Variants in TSHZ1 observed in about 807,000 individuals in gnomAD.
TSHZ1 encodes teashirt homolog 1.
In TSHZ1, 12 loss-of-function variants were observed where a neutral mutation model predicts 67.1. The observed-to-expected ratio is 0.18, with a 90% CI of 0.11 to 0.29. The LOEUF is 0.29. Among genes scored for constraint, TSHZ1 ranks in the 10% least tolerant of loss-of-function variants. The pLI is 1.00. For synonymous variants in TSHZ1, 632 were observed against 622.4 expected, an observed-to-expected ratio of 1.02 and a Z score of -0.23; for missense variants, 1,305 against 1,413.9, an observed-to-expected ratio of 0.92 and a Z score of 1.23.
chr18:75,287,193 G>T lies in TSHZ1; in HGVS notation c.1786G>T (p.Val596Leu). The change falls in exon 2 of 2, where the codon GTG becomes TTG. Residue 596 changes from valine (V) to leucine (L), a missense_variant. Transcript: ENST00000580243. This position sits in a 1 kb window ranked among gnomAD's most constrained non-coding sequence, Gnocchi z 5.0. ...CACCGTGAAGCCACTGCCGGCGGCC[G>T]TGCAGAGCGTGCAGGTGCAGCCGTC... Reference protein sequence around the residue: ...PGTVKPLPAAVQSVQVQPSYA... With the variant: ...PGTVKPLPAALQSVQVQPSYA... 1 of 1,613,512 alleles carries T rather than the reference G, an allele frequency of 6.2e-7. No individual in the cohort carries two copies. Among genetic ancestry groups the T allele is most frequent in the Non-Finnish European group, 8.5e-7 (1 of 1,179,806 alleles).
chr18:75,241,939 C>G (rs2023161883), intron 1 of TSHZ1, among the ~76,000 whole-genome samples: 1 of 147,392 alleles, frequency 6.8e-6, no homozygotes, highest in Non-Finnish European at 1.5e-5. Context: ...AGGACCCATC[C>G]TGATCTAGTA....
At chr18:75,250,948 G>A (rs1055039543) in intron 1 of TSHZ1, among the ~76,000 whole-genome samples, 7 of 152,174 alleles carry the variant, frequency 4.6e-5, no homozygotes, top group Admixed American at 2.6e-4. Flanking sequence ...TACCAGCCCC[G>A]GGCGTGTTTG....
intron 1 of TSHZ1, among the ~76,000 whole-genome samples, chr18:75,217,488 C>G (rs1481270574): frequency 1.3e-5 from 2 of 151,840 alleles, no homozygotes; most frequent in African/African-American, 4.8e-5. Flanking sequence ...TTTTACTAGG[C>G]AGAAAGGAAA....
rs1239063307 is a variant in TSHZ1 at position 75,211,571 on chromosome 18, G to A, written c.-306G>A. 7.0e-6 allele frequency: 1 copy of A among 143,390 alleles called. No homozygotes were observed. The highest frequency in any genetic ancestry group is 2.1e-4 in the East Asian group (1 of 4,730). The allele number at this position is 143,390 out of a possible 1,614,324, so 8.9% of individuals were successfully genotyped here. The stretch of plus-strand genomic sequence containing the variant: ...CGGGCCGGCCCGCCGAGCGCCCGCT[G>A]CTGCGCCCGCGGCCCGCGCCGGGGA... On this transcript the variant is annotated 5_prime_UTR_variant, in exon 1 of 2. Coordinates refer to ENST00000580243, the MANE Select transcript of TSHZ1 (RefSeq NM_001308210.2).
At position 75,289,710 on chromosome 18, in the gene TSHZ1, T is replaced by C. The variant is rs938971000; in HGVS notation, c.*1069T>C. On this transcript the variant is annotated 3_prime_UTR_variant, in exon 2 of 2. Coordinates refer to ENST00000580243, the MANE Select transcript of TSHZ1 (RefSeq NM_001308210.2). ...ACCACAATTTTTGAATAAAATTTAG[T>C]TCCTGCAGCTTGATTTAAATAGAGG... 3.6e-5 allele frequency: 6 copies of C among 167,126 alleles called. No homozygotes were observed. The highest frequency in any genetic ancestry group is 2.0e-4 in the Admixed American group (3 of 15,288). The allele number at this position is 167,126 out of a possible 1,614,324, so 10.4% of individuals were successfully genotyped here.
At chr18:75,244,003 A>C (rs4891249) in intron 1 of TSHZ1, among the ~76,000 whole-genome samples, 86,377 of 152,062 alleles carry the variant, frequency 0.57, 24,844 homozygotes, top group South Asian at 0.7. Flanking sequence ...TTTCTAATAC[A>C]TAAAGCAATA....
intron 1 of TSHZ1, among the ~76,000 whole-genome samples, chr18:75,249,611 T>C (rs933736784): frequency 1.3e-5 from 2 of 151,288 alleles, no homozygotes; most frequent in Non-Finnish European, 3.0e-5. Flanking sequence ...ACCCCTGCAG[T>C]AGGTGTGTTG....
At position 75,281,240 on chromosome 18, in the gene TSHZ1, G is replaced by C. The variant is rs979614285; in HGVS notation, c.41-4208G>C. 6.6e-6 allele frequency among the ~76,000 whole-genome samples: 1 copy of C among 152,182 alleles called. No homozygotes were observed. Among genetic ancestry groups the C allele is most frequent in the South Asian group, 2.1e-4 (1 of 4,830 alleles). On this transcript the variant is annotated intron_variant, in intron 1 of 1. Transcript: ENST00000580243. The surrounding 1 kb of genome is among the most constrained non-coding windows in gnomAD (Gnocchi z 5.3). ...CAGTGCGGGGGGCCAGTTTGGATGCGGGGCCTGAGGACCAGGAGGCTTTGA... is the reference window on the plus strand; with the variant it reads ...CAGTGCGGGGGGCCAGTTTGGATGCCGGGCCTGAGGACCAGGAGGCTTTGA...
At chr18:75,253,551 G>A (rs1273884630) in intron 1 of TSHZ1, among the ~76,000 whole-genome samples, 2 of 152,320 alleles carry the variant, frequency 1.3e-5, no homozygotes, top group Admixed American at 6.5e-5. Flanking sequence ...ATTTTACTTG[G>A]GTAGTGTAGA....
chr18:75,242,435 A>G (rs1420842094), intron 1 of TSHZ1, among the ~76,000 whole-genome samples: 3 of 152,224 alleles, frequency 2.0e-5, no homozygotes, highest in Non-Finnish European at 2.9e-5. Flanking sequence ...AAGGTCCCCA[A>G]TTGCTTATCC....
chr18:75,215,958 G>C (rs2022761204), intron 1 of TSHZ1, among the ~76,000 whole-genome samples: 1 of 151,688 alleles, frequency 6.6e-6, no homozygotes, highest in African/African-American at 2.4e-5. Context: ...CTGTGTATGT[G>C]TGTCTGTGTG....
At position 75,250,412 on chromosome 18, in the gene TSHZ1, C is replaced by G. The variant is rs1043028851; in HGVS notation, c.41-35036C>G. Among the ~76,000 whole-genome samples, 6 of 152,226 alleles carry G rather than the reference C, an allele frequency of 3.9e-5. No individual in the cohort carries two copies. In the East Asian group the frequency reaches 1.2e-3, roughly 29 times the overall value. ...TCCCCCTGTGGGCTCTCCCTTCCGT[C>G]CCGCTCTGTAGCTGGCAGGCGGCCT... On this transcript the variant is annotated intron_variant, in intron 1 of 1. Coordinates refer to ENST00000580243, the MANE Select transcript of TSHZ1 (RefSeq NM_001308210.2).
chr18:75,216,011 G>C (rs1014808167), intron 1 of TSHZ1, among the ~76,000 whole-genome samples: 2 of 152,056 alleles, frequency 1.3e-5, no homozygotes, highest in African/African-American at 4.8e-5. Flanking sequence ...TGGAAGGGGA[G>C]GGGGGCTGGT....
At chr18:75,236,225 G>A (rs1026913017) in intron 1 of TSHZ1, among the ~76,000 whole-genome samples, 5 of 152,210 alleles carry the variant, frequency 3.3e-5, no homozygotes, top group African/African-American at 1.2e-4. Context: ...AGGGGTGTGT[G>A]TCTCAGCTGT....
chr18:75,240,340 C>G (rs1389479227), intron 1 of TSHZ1, among the ~76,000 whole-genome samples: 1 of 149,418 alleles, frequency 6.7e-6, no homozygotes, highest in Non-Finnish European at 1.5e-5. Context: ...AGTGAATCAG[C>G]TTTTAAAGAA....
chr18:75,270,063 A>C (rs2122593999), intron 1 of TSHZ1, among the ~76,000 whole-genome samples: 1 of 152,328 alleles, frequency 6.6e-6, no homozygotes, highest in East Asian at 1.9e-4. Context: ...GCCTATTCCG[A>C]AATTGGAATC....
chr18:75,261,703 A>G (rs528720178), intron 1 of TSHZ1, among the ~76,000 whole-genome samples: 1 of 152,382 alleles, frequency 6.6e-6, no homozygotes, highest in East Asian at 1.9e-4. Context: ...AGGAAGTCAC[A>G]GTGCACTTCT....
chr18:75,224,588 C>A (rs185043898), intron 1 of TSHZ1, among the ~76,000 whole-genome samples: 5 of 152,268 alleles, frequency 3.3e-5, no homozygotes, highest in Middle Eastern at 3.4e-3. Context: ...ATGATCCCCC[C>A]CTCCCCGCAA....
intron 1 of TSHZ1, chr18:75,283,210 AC>A (rs1285003210): frequency 6.6e-6 from 1 of 152,298 alleles, no homozygotes; most frequent in Non-Finnish European, 1.5e-5. Context: ...CTTCAGAGTC[AC>A]CCTCTGAATC....
Sources: allele counts gnomAD v4.1 joint callset (sites outside exome capture counted in the v4.1 genomes callset), GRCh38; gene constraint gnomAD v4.1.1; non-coding constraint Gnocchi (gnomAD v3.1); transcripts MANE v1.5; gene names NCBI Gene and HGNC (gene_info 2026-07-23, HGNC 2026-07-21).